Variants in DCAF13 observed in about 807,000 individuals in gnomAD.
DCAF13 encodes DDB1- and CUL4-associated factor 13.
A neutral mutation model predicts 59.0 loss-of-function variants in DCAF13; 38 were observed. The ratio of observed to expected loss-of-function variants is 0.64; its 90% CI spans 0.50 to 0.84. DCAF13 has a LOEUF of 0.84. Ranked by LOEUF, DCAF13 falls within the 40% of genes least tolerant of loss-of-function variation. The pLI, the probability that DCAF13 is intolerant of heterozygous loss-of-function variation, is 0.00. For synonymous variants in DCAF13, 173 were observed against 175.0 expected (o/e 0.99, Z 0.09); for missense variants, 469 against 558.4 (o/e 0.84, Z 1.61).
chr8:103,433,787 C>T (rs1334160338), intron 7 of DCAF13, among the ~76,000 whole-genome samples: 1 of 151,950 alleles, frequency 6.6e-6, no homozygotes, highest in South Asian at 2.1e-4. Context: ...CTCAGTTAGA[C>T]TCTCATTAAC....
At chr8:103,427,000 C>T in intron 4 of DCAF13, 97 bp from the exon 5 acceptor site, 2 of 936,494 alleles carry the variant, frequency 2.1e-6, no homozygotes, top group Non-Finnish European at 1.5e-6. Flanking sequence ...CAGGGCTTTT[C>T]TCTAAAAAGA....
chr8:103,427,285 T>C, intron 5 of DCAF13, 33 bp downstream of exon 5: 1 of 1,552,416 alleles, frequency 6.4e-7, no homozygotes, highest in Non-Finnish European at 8.8e-7. Context: ...TTTTACTTAT[T>C]ATGGCTTAAT....
At chr8:103,421,989 C>A (rs1317011611) in intron 3 of DCAF13, among the ~76,000 whole-genome samples, 1 of 152,168 alleles carries the variant, frequency 6.6e-6, no homozygotes. Flanking sequence ...ACGACAAAAT[C>A]TGAGCTGTGC....
At chr8:103,418,017 A>T (rs1036349435) in intron 1 of DCAF13, among the ~76,000 whole-genome samples, 1 of 151,622 alleles carries the variant, frequency 6.6e-6, no homozygotes, top group African/African-American at 2.4e-5. Context: ...AGTCCCAGCT[A>T]CTCGGGAGGC....
intron 1 of DCAF13, among the ~76,000 whole-genome samples, chr8:103,419,464 T>C (rs1414817377): frequency 1.3e-5 from 2 of 152,164 alleles, no homozygotes. Flanking sequence ...TAAACAAACA[T>C]AGAAAGTGCT....
At chr8:103,423,106 C>G (rs1816743707) in intron 3 of DCAF13, among the ~76,000 whole-genome samples, 1 of 152,020 alleles carries the variant, frequency 6.6e-6, no homozygotes, top group Non-Finnish European at 1.5e-5. Flanking sequence ...CCCTGCAAGC[C>G]CAGTGTTGTG....
At chr8:103,421,150 T>C (rs1816717264) in intron 3 of DCAF13, 68 bp downstream of exon 3, 1 of 1,120,960 alleles carries the variant, frequency 8.9e-7, no homozygotes, top group Admixed American at 1.8e-5. Context: ...TTGAATACAT[T>C]TTTTTTCAAG....
At chr8:103,420,838 G>A (rs899563604) in intron 2 of DCAF13, 137 bp from the exon 3 acceptor site, 6 of 630,788 alleles carry the variant, frequency 9.5e-6, no homozygotes, top group Non-Finnish European at 1.1e-5. Context: ...TTATCCATAT[G>A]CATTGCATTG....
At position 103,430,707 on chromosome 8, in the gene DCAF13, CTT is replaced by C. The variant is rs776723629; in HGVS notation, c.702+21_702+22del. 63 of 1,589,300 alleles carry C rather than the reference CTT, an allele frequency of 4.0e-5. 2 individuals are homozygous for C. Among genetic ancestry groups the C allele is most frequent in the Non-Finnish European group, 4.7e-5 (54 of 1,160,846 alleles). On this transcript the variant is annotated intron_variant, in intron 6 of 10. Coordinates refer to ENST00000612750, the MANE Select transcript of DCAF13 (RefSeq NM_015420.7). ...TGAAAAAGGTGAGTTTCAGTTTTGA[CTT>C]TTGCTTTATACAGTTGGCATTATAT...
chr8:103,441,547 T>C lies in DCAF13; in HGVS notation c.1179T>C (p.His393=). 1.2e-6 allele frequency: 2 copies of C among 1,609,584 alleles called. No individual in the cohort carries two copies. The change falls in exon 10 of 11, where the codon CAT becomes CAC. Residue 393 remains histidine (H), a synonymous_variant. Transcript: ENST00000612750. The part of the protein sequence containing the change: ...HYPHIKRIAR[H]RHLPKSIYSQ... ...CTCATATAAAACGTATAGCTCGTCATCGACATCTACCAAAATCTATCTATA... is the reference window on the plus strand; with the variant it reads ...CTCATATAAAACGTATAGCTCGTCACCGACATCTACCAAAATCTATCTATA...
intron 3 of DCAF13, among the ~76,000 whole-genome samples, chr8:103,425,387 G>A (rs936020547): frequency 2.6e-5 from 4 of 152,108 alleles, no homozygotes; most frequent in Non-Finnish European, 2.9e-5. Context: ...TTGGGCTAAC[G>A]TGCCAACAGT....
At chr8:103,434,245 T>C (rs545481090) in intron 7 of DCAF13, among the ~76,000 whole-genome samples, 1 of 152,202 alleles carries the variant, frequency 6.6e-6, no homozygotes, top group Non-Finnish European at 1.5e-5. Flanking sequence ...GGGCAAGTCA[T>C]TTAAACTAAC....
At chr8:103,417,924 C>A (rs1816645062) in intron 1 of DCAF13, among the ~76,000 whole-genome samples, 2 of 151,900 alleles carry the variant, frequency 1.3e-5, no homozygotes, top group Admixed American at 1.3e-4. Flanking sequence ...TCGAGACTAT[C>A]CTGGCTAACA....
rs1330977547 is a variant in DCAF13 at position 103,415,402 on chromosome 8, C to T, written c.-45C>T. On this transcript the variant is annotated 5_prime_UTR_variant, in exon 1 of 11. Coordinates refer to ENST00000612750, the MANE Select transcript of DCAF13 (RefSeq NM_015420.7). ...TGGGAGGAGGTGGCGGTGGGCGGAACTCCTAGCGGACACCTCGTGGAGTCC... is the reference window on the plus strand; with the variant it reads ...TGGGAGGAGGTGGCGGTGGGCGGAATTCCTAGCGGACACCTCGTGGAGTCC... 1.2e-6 allele frequency: 2 copies of T among 1,614,000 alleles called. No homozygotes were observed. Among genetic ancestry groups the T allele is most frequent in the African/African-American group, 1.3e-5 (1 of 74,918 alleles).
intron 5 of DCAF13, chr8:103,427,461 C>CTT: frequency 1.8e-6 from 1 of 570,442 alleles, no homozygotes; most frequent in South Asian, 2.3e-5. Flanking sequence ...TAGAGTTAAG[C>CTT]ATTGTTAGAG....
intron 3 of DCAF13, among the ~76,000 whole-genome samples, chr8:103,425,311 G>C (rs1816773501): frequency 6.6e-6 from 1 of 152,174 alleles, no homozygotes; most frequent in African/African-American, 2.4e-5. Context: ...TGTTTCACCT[G>C]ATAGCTTAAA....
chr8:103,421,104 C>A, intron 3 of DCAF13, 22 bp downstream of exon 3: 2 of 1,445,092 alleles, frequency 1.4e-6, no homozygotes, highest in Non-Finnish European at 1.9e-6. Context: ...ACCATTAAGT[C>A]ATTAAATTTG....
intron 3 of DCAF13, among the ~76,000 whole-genome samples, chr8:103,422,165 A>G (rs1349422463): frequency 2.0e-5 from 3 of 152,182 alleles, no homozygotes; most frequent in Non-Finnish European, 2.9e-5. Flanking sequence ...GTGCCTGGGA[A>G]GAGGTTGGTT....
chr8:103,418,866 A>ATTTT (rs1159489554), intron 1 of DCAF13, among the ~76,000 whole-genome samples: 15 of 38,428 alleles, frequency 3.9e-4, no homozygotes, highest in Admixed American at 1.1e-3. Context: ...ATATATATAT[A>ATTTT]TTTTTTTTTT....
Sources: allele counts gnomAD v4.1 joint callset (sites outside exome capture counted in the v4.1 genomes callset), GRCh38; gene constraint gnomAD v4.1.1; transcripts MANE v1.5; gene names NCBI Gene and HGNC (gene_info 2026-07-23, HGNC 2026-07-21).